The following PAK5 variants were observed in gnomAD, a reference collection of about 807,000 sequenced individuals.
PAK5 encodes the protein serine/threonine-protein kinase PAK 5.
PAK5 carries 16 observed loss-of-function variants against 65.9 expected under a neutral mutation model. The ratio of observed to expected loss-of-function variants is 0.24; its 90% confidence interval spans 0.16 to 0.37. The LOEUF (loss-of-function observed/expected upper bound fraction) is 0.37. PAK5 is among the 10% of genes least tolerant of loss of function. PAK5 has a pLI of 1.00. For synonymous variants in PAK5, 371 were observed against 354.9 expected (o/e 1.05, Z -0.51); for missense variants, 785 against 903.9 (o/e 0.87, Z 1.69).
chr20:9,635,985 C>T (rs2046978719), intron 3 of PAK5, among the ~76,000 whole-genome samples: 1 of 152,140 alleles, frequency 6.6e-6, no homozygotes, highest in Non-Finnish European at 1.5e-5. Context: ...CAACAACTCT[C>T]AGAAAGTAAA....
At chr20:9,757,079 A>G (rs886237580) in intron 1 of PAK5, among the ~76,000 whole-genome samples, 11 of 152,114 alleles carry the variant, frequency 7.2e-5, no homozygotes, top group African/African-American at 2.7e-4. Flanking sequence ...AACTCATTTG[A>G]AAACATACTT....
At chr20:9,665,662 C>CTTTT (rs113553567) in intron 2 of PAK5, among the ~76,000 whole-genome samples, 131 of 144,152 alleles carry the variant, frequency 9.1e-4, no homozygotes, top group East Asian at 3.1e-3. Flanking sequence ...CTTTTCTTTT[C>CTTTT]TTTTTTTTTT....
At chr20:9,805,518 C>T in intron 1 of PAK5, among the ~76,000 whole-genome samples, 1 of 152,138 alleles carries the variant, frequency 6.6e-6, no homozygotes, top group East Asian at 1.9e-4. Flanking sequence ...GGTATATTCA[C>T]ACAATGGAAT....
chr20:9,609,735 T>G (rs1306576809), intron 3 of PAK5, among the ~76,000 whole-genome samples: 1 of 152,194 alleles, frequency 6.6e-6, no homozygotes, highest in East Asian at 1.9e-4. Flanking sequence ...TTGACAAATT[T>G]TCAATTTTAG....
chr20:9,585,421 C>T (rs535672586), intron 3 of PAK5, among the ~76,000 whole-genome samples: 1 of 152,284 alleles, frequency 6.6e-6, no homozygotes, highest in Admixed American at 6.5e-5. Context: ...GCTTTAGACT[C>T]TTTTAGGCTA....
At chr20:9,719,188 A>G (rs1319685825) in intron 1 of PAK5, among the ~76,000 whole-genome samples, 1 of 152,186 alleles carries the variant, frequency 6.6e-6, no homozygotes, top group Non-Finnish European at 1.5e-5. Flanking sequence ...CCACTCACAA[A>G]TGGATTTTCT....
At position 9,636,154 on chromosome 20, in the gene PAK5, G is replaced by T. The variant is rs550858901; in HGVS notation, c.204+7971C>A. ...TGTCAGATAGTTGCCCTGTATTTTG[G>T]GAAAGCAGATTTTTAAAAATATTAA... On this transcript the variant is annotated intron_variant, in intron 3 of 9. Coordinates refer to ENST00000353224, the MANE Select transcript of PAK5 (RefSeq NM_177990.4). Among the ~76,000 whole-genome samples, 3 of 152,208 alleles carry T rather than the reference G, an allele frequency of 2.0e-5. No homozygotes were observed. In the South Asian group the frequency reaches 6.2e-4, roughly 32 times the overall value.
intron 3 of PAK5, among the ~76,000 whole-genome samples, chr20:9,606,583 A>C (rs1253303661): frequency 6.6e-6 from 1 of 152,164 alleles, no homozygotes; most frequent in Non-Finnish European, 1.5e-5. Flanking sequence ...GAGTGAAAGA[A>C]ATCAGGCACA....
intron 3 of PAK5, among the ~76,000 whole-genome samples, chr20:9,604,090 A>C (rs1216553633): frequency 6.6e-6 from 1 of 152,226 alleles, no homozygotes; most frequent in African/African-American, 2.4e-5. Flanking sequence ...CATCCTTAGA[A>C]TAACCCTGTA....
intron 3 of PAK5, among the ~76,000 whole-genome samples, chr20:9,605,786 C>T (rs374499649): frequency 3.9e-5 from 6 of 152,072 alleles, no homozygotes; most frequent in African/African-American, 1.4e-4. Flanking sequence ...AAAAATCAGC[C>T]GGGTGTGGTG....
At chr20:9,708,972 G>C (rs1347825641) in intron 2 of PAK5, among the ~76,000 whole-genome samples, 1 of 151,950 alleles carries the variant, frequency 6.6e-6, no homozygotes, top group East Asian at 1.9e-4. Context: ...ACGTATGCTG[G>C]CATCACCTCT....
intron 3 of PAK5, among the ~76,000 whole-genome samples, chr20:9,604,043 A>C (rs2046407069): frequency 6.6e-6 from 1 of 152,274 alleles, no homozygotes; most frequent in Non-Finnish European, 1.5e-5. Context: ...AATTATTGAT[A>C]TCAGGGTAAA....
chr20:9,799,801 T>C (rs572043108), intron 1 of PAK5, among the ~76,000 whole-genome samples: 2 of 150,234 alleles, frequency 1.3e-5, no homozygotes, highest in Non-Finnish European at 3.0e-5. Context: ...ATTAGCTGAG[T>C]GTGATGGTGT....
intron 6 of PAK5, among the ~76,000 whole-genome samples, chr20:9,558,178 T>C (rs551175801): frequency 6.6e-6 from 1 of 152,054 alleles, no homozygotes; most frequent in Admixed American, 6.6e-5. Context: ...TGGCACAATC[T>C]CGGCTCACTG....
intron 1 of PAK5, among the ~76,000 whole-genome samples, chr20:9,795,133 G>A (rs564533763): frequency 6.6e-6 from 1 of 152,038 alleles, no homozygotes; most frequent in South Asian, 2.1e-4. Context: ...TTTCCAAGAG[G>A]AACACATTAG....
intron 1 of PAK5, among the ~76,000 whole-genome samples, chr20:9,787,036 A>C (rs141029739): frequency 1.3e-5 from 2 of 152,260 alleles, no homozygotes; most frequent in East Asian, 3.9e-4. Flanking sequence ...GGCAAGAAAA[A>C]ATTATTCTTC....
chr20:9,666,341 A>G (rs1285045680), intron 2 of PAK5, among the ~76,000 whole-genome samples: 1 of 152,022 alleles, frequency 6.6e-6, no homozygotes, highest in East Asian at 1.9e-4. Flanking sequence ...ACAATAACAG[A>G]AAGAATGAAA....
chr20:9,562,750 C>T, intron 6 of PAK5, 141 bp downstream of exon 6: 1 of 697,692 alleles, frequency 1.4e-6, no homozygotes, highest in Non-Finnish European at 2.5e-6. Context: ...AATGGGCCCT[C>T]TGGGGAATGT....
chr20:9,554,860 C>T (rs983133841), intron 7 of PAK5, among the ~76,000 whole-genome samples: 1 of 152,166 alleles, frequency 6.6e-6, no homozygotes, highest in Non-Finnish European at 1.5e-5. Context: ...CTTGCTTCCT[C>T]TGCCTGGAAT....
Sources: gnomAD v4.1 joint callset for allele counts (sites outside exome capture counted in the v4.1 genomes callset) on GRCh38, gnomAD v4.1.1 for gene constraint, MANE v1.5 for transcripts, NCBI Gene and HGNC (gene_info 2026-07-23, HGNC 2026-07-21) for gene names.